GRIK4: variants seen among roughly 807,000 people sequenced by gnomAD.
GRIK4 encodes glutamate receptor ionotropic, kainate 4.
GRIK4 carries 40 observed loss-of-function variants against 104.9 expected under a neutral mutation model. That is an observed-to-expected ratio of 0.38 (90% CI 0.30 to 0.50). The LOEUF (loss-of-function observed/expected upper bound fraction) is 0.50. GRIK4 is among the 20% of genes least tolerant of loss of function. GRIK4 has a pLI of 0.93. For missense variants in GRIK4, 1,047 were observed against 1,308.1 expected (o/e 0.80, Z 3.08); for synonymous variants, 485 against 524.9 (o/e 0.92, Z 1.04).
intron 11 of GRIK4, among the ~76,000 whole-genome samples, chr11:120,890,143 C>T (rs1298342126): frequency 6.6e-6 from 1 of 152,138 alleles, no homozygotes; most frequent in Non-Finnish European, 1.5e-5. Flanking sequence ...ATCTTATGTT[C>T]CCATGGCTTA....
In GRIK4 at chr11:120,732,033, G is replaced by A. The variant is rs188870851; in HGVS notation, c.83-70660G>A. 1.9e-4 allele frequency among the ~76,000 whole-genome samples: 29 copies of A among 151,852 alleles called. No individual in the cohort carries two copies. The East Asian group carries it at 5.2e-3, about 27-fold the overall frequency. ...TTTCATTGATTTTTTTGTATTCTTTGTTTCAGTTCCATTTATATGTGCTCT... is the reference window on the plus strand; with the variant it reads ...TTTCATTGATTTTTTTGTATTCTTTATTTCAGTTCCATTTATATGTGCTCT... On this transcript the variant is annotated intron_variant, in intron 3 of 20. Transcript: ENST00000527524.
chr11:120,796,894 G>T (rs1165445773), intron 3 of GRIK4, among the ~76,000 whole-genome samples: 2 of 151,972 alleles, frequency 1.3e-5, no homozygotes, highest in African/African-American at 2.4e-5. Context: ...CTGCAGGGGG[G>T]AGGAGTCCCC....
At chr11:120,539,415 C>T (rs565397116) in intron 1 of GRIK4, among the ~76,000 whole-genome samples, 1 of 152,162 alleles carries the variant, frequency 6.6e-6, no homozygotes, top group Non-Finnish European at 1.5e-5. Flanking sequence ...ACAAAAGGAA[C>T]CACTTGTGCG....
At chr11:120,598,750 G>A (rs966211617) in intron 1 of GRIK4, among the ~76,000 whole-genome samples, 18 of 152,316 alleles carry the variant, frequency 1.2e-4, no homozygotes, top group African/African-American at 4.3e-4. Flanking sequence ...CCATGTCCAT[G>A]TAGATGTAGA....
intron 4 of GRIK4, among the ~76,000 whole-genome samples, chr11:120,808,849 G>A (rs983512004): frequency 1.1e-4 from 17 of 152,126 alleles, no homozygotes; most frequent in African/African-American, 3.1e-4. Context: ...AAGTGCTTCC[G>A]TGTGAAGGAC....
rs1942808848 is a variant in GRIK4, at chr11:120,903,992, C to T, written c.1273-1298C>T. 6.6e-6 allele frequency among the ~76,000 whole-genome samples: 1 copy of T among 152,176 alleles called. No individual in the cohort carries two copies. The highest frequency in any genetic ancestry group is 1.5e-5 in the Non-Finnish European group (1 of 68,030). ...TCCTCCTTGACGCTAAGATCATGTT[C>T]CCCTGATTTTCAGCCTTCCTGGCTG... is the stretch of plus-strand genomic sequence containing the variant. On this transcript the variant is annotated intron_variant, in intron 12 of 20. Transcript: ENST00000527524. The surrounding 1 kb of genome is among the most constrained non-coding windows in gnomAD (Gnocchi z 4.4).
At chr11:120,532,644 C>A (rs183972469) in intron 1 of GRIK4, among the ~76,000 whole-genome samples, 4 of 152,198 alleles carry the variant, frequency 2.6e-5, no homozygotes, top group Non-Finnish European at 5.9e-5. Context: ...GGTTTCATTT[C>A]GCTGGCTTCA....
rs544464507 is a variant in GRIK4, at chr11:120,753,558, G to A, written c.83-49135G>A. On this transcript the variant is annotated intron_variant, in intron 3 of 20. Coordinates refer to ENST00000527524, the MANE Select transcript of GRIK4 (RefSeq NM_014619.5). Reference sequence around the variant, plus strand: ...AGGAGACTGTTTCCCTGATGGTGTTGAATTTGAATGAGAGACTACATACCC... The same window carrying A: ...AGGAGACTGTTTCCCTGATGGTGTTAAATTTGAATGAGAGACTACATACCC... Among the ~76,000 whole-genome samples, 55 of 152,228 alleles carry A rather than the reference G, an allele frequency of 3.6e-4. 1 individual carries two copies. The highest frequency in any genetic ancestry group is 6.5e-4 in the Non-Finnish European group (44 of 68,014).
intron 13 of GRIK4, among the ~76,000 whole-genome samples, chr11:120,930,611 G>T (rs2134606115): frequency 6.6e-6 from 1 of 152,324 alleles, no homozygotes; most frequent in South Asian, 2.1e-4. Flanking sequence ...CATGAGCATT[G>T]CCTTCTCTCT....
chr11:120,661,987 G>C (rs575013314), intron 3 of GRIK4, among the ~76,000 whole-genome samples: 1 of 152,158 alleles, frequency 6.6e-6, no homozygotes, highest in Non-Finnish European at 1.5e-5. Flanking sequence ...GTTTTTCAGC[G>C]TTTGCTGCAA....
chr11:120,650,793 C>G (rs1474529403), intron 1 of GRIK4, among the ~76,000 whole-genome samples: 1 of 152,176 alleles, frequency 6.6e-6, no homozygotes, highest in African/African-American at 2.4e-5. Flanking sequence ...CATGCTTTGA[C>G]CGGTCTTGGG....
chr11:120,891,290 A>G (rs909559142), intron 11 of GRIK4, among the ~76,000 whole-genome samples: 2 of 152,192 alleles, frequency 1.3e-5, no homozygotes, highest in African/African-American at 2.4e-5. Flanking sequence ...GGACTTGGCA[A>G]AGTTCATTTC....
intron 19 of GRIK4, among the ~76,000 whole-genome samples, chr11:120,977,385 C>A (rs2134783295): frequency 6.6e-6 from 1 of 152,296 alleles, no homozygotes; most frequent in South Asian, 2.1e-4. Context: ...GCCTTGTAGG[C>A]TGGAGGGAGT....
chr11:120,946,912 C>G (rs1040357915), intron 14 of GRIK4, among the ~76,000 whole-genome samples: 4 of 152,048 alleles, frequency 2.6e-5, no homozygotes, highest in Non-Finnish European at 5.9e-5. Flanking sequence ...ATCTCTGATC[C>G]CAGAGAAGGT....
At chr11:120,668,878 A>T (rs757292497) in intron 3 of GRIK4, among the ~76,000 whole-genome samples, 16 of 152,190 alleles carry the variant, frequency 1.1e-4, no homozygotes, top group Non-Finnish European at 1.8e-4. Flanking sequence ...TCCCTGTTTT[A>T]TGCTTTTATA....
rs12279640 is a variant in GRIK4 at position 120,977,775 on chromosome 11, C to T, written c.2396-4331C>T. On this transcript the variant is annotated intron_variant, in intron 19 of 20. Transcript: ENST00000527524. ...ACCAGCCTCCTGTTAAACCTCAACT[C>T]CCCTCAAAGCTTTCCCTGATCTAAT... Among the ~76,000 whole-genome samples, 868 of 152,276 alleles carry T rather than the reference C, an allele frequency of 5.7e-3. 6 individuals are homozygous for T. The highest frequency in any genetic ancestry group is 0.02 in the African/African-American group (829 of 41,550).
At chr11:120,744,684 A>G (rs1351860226) in intron 3 of GRIK4, among the ~76,000 whole-genome samples, 1 of 152,230 alleles carries the variant, frequency 6.6e-6, no homozygotes, top group Non-Finnish European at 1.5e-5. Flanking sequence ...TGGCATTTGT[A>G]TAAAAAGACT....
At chr11:120,674,285 G>T (rs1421357011) in intron 3 of GRIK4, among the ~76,000 whole-genome samples, 1 of 152,210 alleles carries the variant, frequency 6.6e-6, no homozygotes, top group Non-Finnish European at 1.5e-5. Flanking sequence ...ATCTGCTCCA[G>T]CCTGGTGGGG....
intron 1 of GRIK4, among the ~76,000 whole-genome samples, chr11:120,537,537 C>G (rs951640228): frequency 6.6e-6 from 1 of 152,176 alleles, no homozygotes; most frequent in African/African-American, 2.4e-5. Context: ...GGGAGTCCTA[C>G]CTGGATGCCC....
Sources: gnomAD v4.1 joint callset for allele counts (sites outside exome capture counted in the v4.1 genomes callset) on GRCh38, gnomAD v4.1.1 for gene constraint, Gnocchi (gnomAD v3.1) non-coding constraint, MANE v1.5 for transcripts, NCBI Gene and HGNC (gene_info 2026-07-23, HGNC 2026-07-21) for gene names.